The following PELI2 variants were observed in gnomAD, a reference collection of about 807,000 sequenced individuals.
PELI2 encodes the protein E3 ubiquitin-protein ligase pellino homolog 2.
A neutral mutation model predicts 42.3 loss-of-function variants in PELI2; 23 were observed. That is an observed-to-expected ratio of 0.54 (90% confidence interval 0.39 to 0.77). The LOEUF is 0.77. Among genes scored for constraint, PELI2 ranks in the 30% least tolerant of loss-of-function variants. PELI2 has a pLI of 0.00. For synonymous variants in PELI2, 245 were observed against 212.2 expected, an observed-to-expected ratio of 1.15 and a Z score of -1.34; for missense variants, 463 against 553.2, an observed-to-expected ratio of 0.84 and a Z score of 1.64.
intron 2 of PELI2, among the ~76,000 whole-genome samples, chr14:56,191,684 TC>T (rs1016806809): frequency 6.6e-6 from 1 of 152,192 alleles, no homozygotes; most frequent in African/African-American, 2.4e-5. Flanking sequence ...CAGTGTAAAT[TC>T]CTCTAGTGAA....
At chr14:56,257,586 C>T (rs886487018) in intron 2 of PELI2, among the ~76,000 whole-genome samples, 3 of 151,814 alleles carry the variant, frequency 2.0e-5, no homozygotes, top group Admixed American at 6.6e-5. Context: ...AAAATGTATG[C>T]GAAAAAGAAT....
chr14:56,198,221 T>C (rs1886210077), intron 2 of PELI2, among the ~76,000 whole-genome samples: 2 of 152,160 alleles, frequency 1.3e-5, no homozygotes, highest in African/African-American at 4.8e-5. Flanking sequence ...AGAGTTTGGT[T>C]TGGGTCTTGT....
intron 1 of PELI2, among the ~76,000 whole-genome samples, chr14:56,160,312 A>T (rs1884713304): frequency 6.6e-6 from 1 of 152,220 alleles, no homozygotes; most frequent in African/African-American, 2.4e-5. Flanking sequence ...GGCAGGAAAC[A>T]GACTCTGAGA....
intron 3 of PELI2, among the ~76,000 whole-genome samples, chr14:56,285,277 T>C (rs939833396): frequency 6.6e-6 from 1 of 152,162 alleles, no homozygotes; most frequent in Non-Finnish European, 1.5e-5. Flanking sequence ...ACAGGGCTAA[T>C]GTGGGCATGG....
chr14:56,284,283 AAC>A (rs766126532), intron 3 of PELI2, among the ~76,000 whole-genome samples: 11 of 152,230 alleles, frequency 7.2e-5, no homozygotes, highest in Non-Finnish European at 1.3e-4. Flanking sequence ...AGTAGGCATA[AAC>A]AAGGAAAGAA....
chr14:56,183,365 A>G (rs1251059795), intron 2 of PELI2, among the ~76,000 whole-genome samples: 1 of 151,396 alleles, frequency 6.6e-6, no homozygotes, highest in Non-Finnish European at 1.5e-5. Flanking sequence ...AATAATAAAC[A>G]TAAATCATTT....
chr14:56,236,603 T>C (rs1027403820), intron 2 of PELI2, among the ~76,000 whole-genome samples: 2 of 152,228 alleles, frequency 1.3e-5, no homozygotes, highest in Admixed American at 1.3e-4. Context: ...GTATTTTTAT[T>C]TTTTTATTAT....
At chr14:56,253,083 AG>A (rs1888401013) in intron 2 of PELI2, among the ~76,000 whole-genome samples, 1 of 152,242 alleles carries the variant, frequency 6.6e-6, no homozygotes, top group South Asian at 2.1e-4. Context: ...TCACATAAAC[AG>A]AACCAATGAC....
At chr14:56,183,637 G>A (rs1885669131) in intron 2 of PELI2, among the ~76,000 whole-genome samples, 1 of 152,110 alleles carries the variant, frequency 6.6e-6, no homozygotes, top group Non-Finnish European at 1.5e-5. Flanking sequence ...AATCAGGAAG[G>A]TAAAATTTCA....
intron 2 of PELI2, among the ~76,000 whole-genome samples, chr14:56,253,699 G>T (rs1462863080): frequency 6.6e-6 from 1 of 152,128 alleles, no homozygotes; most frequent in Non-Finnish European, 1.5e-5. Context: ...GGAAATAAGA[G>T]CGGACACAAG....
intron 2 of PELI2, among the ~76,000 whole-genome samples, chr14:56,217,474 G>C (rs1886948629): frequency 6.6e-6 from 1 of 152,198 alleles, no homozygotes; most frequent in African/African-American, 2.4e-5. Flanking sequence ...GTGAGGGGAG[G>C]ACTGCGTCCG....
chr14:56,275,861 G>A (rs978140440), intron 2 of PELI2, among the ~76,000 whole-genome samples: 1 of 152,130 alleles, frequency 6.6e-6, no homozygotes, highest in African/African-American at 2.4e-5. Context: ...TGTTGATGTA[G>A]TAAGGTCACA....
At chr14:56,257,912 A>G (rs1271452947) in intron 2 of PELI2, among the ~76,000 whole-genome samples, 1 of 152,340 alleles carries the variant, frequency 6.6e-6, no homozygotes, top group East Asian at 1.9e-4. Context: ...TCATAGAGGC[A>G]TAGAGCTTTG....
intron 1 of PELI2, among the ~76,000 whole-genome samples, chr14:56,168,697 AC>A (rs1432250023): frequency 6.6e-6 from 1 of 151,942 alleles, no homozygotes; most frequent in Non-Finnish European, 1.5e-5. Flanking sequence ...AAGGTGCAAG[AC>A]AAAGTGCCCT....
At chr14:56,258,580 TA>T (rs34178504) in intron 2 of PELI2, among the ~76,000 whole-genome samples, 21,316 of 144,568 alleles carry the variant, frequency 0.15, 1,747 homozygotes, top group Middle Eastern at 0.22. Flanking sequence ...ATGTCTGAAA[TA>T]AAAAAAAAAA....
intron 2 of PELI2, among the ~76,000 whole-genome samples, chr14:56,182,754 T>C (rs751930939): frequency 6.6e-6 from 1 of 152,212 alleles, no homozygotes; most frequent in Non-Finnish European, 1.5e-5. Context: ...TGAAACACTT[T>C]CTTATCAGTT....
chr14:56,118,768 C>T, intron 1 of PELI2, 31 bp downstream of exon 1: 4 of 1,413,188 alleles, frequency 2.8e-6, no homozygotes, highest in South Asian at 1.4e-5. Flanking sequence ...TCCCGGGCAG[C>T]GGCGCGGGCG....
intron 1 of PELI2, among the ~76,000 whole-genome samples, chr14:56,137,825 G>A (rs1267601443): frequency 1.3e-5 from 2 of 152,226 alleles, no homozygotes; most frequent in Non-Finnish European, 2.9e-5. Context: ...AAACCTTTAA[G>A]AGTAGTGCTT....
intron 2 of PELI2, among the ~76,000 whole-genome samples, chr14:56,186,564 A>G (rs903962202): frequency 2.1e-4 from 32 of 152,202 alleles, no homozygotes; most frequent in African/African-American, 6.3e-4. Context: ...AATACCTCAC[A>G]TTACTGAGCA....
Sources: allele counts gnomAD v4.1 joint callset (sites outside exome capture counted in the v4.1 genomes callset), GRCh38; gene constraint gnomAD v4.1.1; transcripts MANE v1.5; gene names NCBI Gene and HGNC (gene_info 2026-07-23, HGNC 2026-07-21).